FARP1: variants seen among roughly 807,000 people sequenced by gnomAD.
FARP1 encodes FERM, ARHGEF and pleckstrin domain-containing protein 1.
FARP1 carries 52 observed loss-of-function variants against 128.8 expected under a neutral mutation model. The observed-to-expected ratio is 0.40, with a 90% CI of 0.32 to 0.51. The LOEUF is 0.51. FARP1 is among the 20% of genes least tolerant of loss of function. The pLI is 0.45. For missense variants in FARP1, 1,333 were observed against 1,367.9 expected (o/e 0.97, Z 0.40); for synonymous variants, 580 against 551.8 (o/e 1.05, Z -0.72).
chr13:98,197,795 C>G (rs535799484), intron 1 of FARP1, among the ~76,000 whole-genome samples: 1 of 151,770 alleles, frequency 6.6e-6, no homozygotes, highest in Non-Finnish European at 1.5e-5. Context: ...CCACCACGCC[C>G]GGCTAATTTT....
intron 1 of FARP1, among the ~76,000 whole-genome samples, chr13:98,145,767 C>T (rs1204505984): frequency 7.4e-6 from 1 of 135,442 alleles, no homozygotes; most frequent in Non-Finnish European, 1.6e-5. Context: ...GAGGCTAAGC[C>T]AGGAGAATCG....
At chr13:98,346,200 T>G (rs1347503606) in intron 3 of FARP1, among the ~76,000 whole-genome samples, 1 of 149,132 alleles carries the variant, frequency 6.7e-6, no homozygotes, top group Non-Finnish European at 1.5e-5. Flanking sequence ...TTTTTTTTTT[T>G]TTTTTTTGAG....
chr13:98,447,319 C>T (rs1892910987), intron 26 of FARP1: 1 of 153,974 alleles, frequency 6.5e-6, no homozygotes, highest in South Asian at 2.0e-4. Flanking sequence ...GGGTCCTCAG[C>T]AATATGCTGA....
At chr13:98,268,907 T>G (rs1032521289) in intron 2 of FARP1, among the ~76,000 whole-genome samples, 17 of 151,984 alleles carry the variant, frequency 1.1e-4, no homozygotes, top group African/African-American at 4.1e-4. Context: ...ATTTTTATTT[T>G]TATTTGTAGA....
At chr13:98,353,960 A>G (rs1888543300) in intron 3 of FARP1, among the ~76,000 whole-genome samples, 1 of 152,262 alleles carries the variant, frequency 6.6e-6, no homozygotes, top group African/African-American at 2.4e-5. Context: ...AAATGATTTA[A>G]AAATAGTTTA....
rs552334006 is a variant in FARP1 at position 98,315,153 on chromosome 13, C to A, written c.172-28609C>A. Among the ~76,000 whole-genome samples, 16 of 152,278 alleles carry A rather than the reference C, an allele frequency of 1.1e-4. No homozygotes were observed. In the East Asian group the frequency reaches 2.9e-3, roughly 28 times the overall value. On this transcript the variant is annotated intron_variant, in intron 2 of 26. Coordinates refer to ENST00000319562, the MANE Select transcript of FARP1 (RefSeq NM_005766.4). ...TTGTTCATTTGTTTGTTTTTTAAAA[C>A]AGGGTCTTGCCCTGTCACTCAGGGT...
At chr13:98,373,533 GACACACACACACACACAC>G (rs58658962) in intron 5 of FARP1, among the ~76,000 whole-genome samples, 269 of 131,068 alleles carry the variant, frequency 2.1e-3, no homozygotes, top group African/African-American at 6.7e-3. Context: ...CAGACAGACA[GACACACACACACACACAC>G]ACACACACAC....
At chr13:98,330,014 A>G (rs1887428097) in intron 2 of FARP1, 2 of 152,314 alleles carry the variant, frequency 1.3e-5, no homozygotes, top group African/African-American at 4.8e-5. Context: ...GTAATTTTGA[A>G]TAGGGTAGTC....
chr13:98,154,460 C>G (rs545026148), intron 1 of FARP1, among the ~76,000 whole-genome samples: 3 of 152,240 alleles, frequency 2.0e-5, no homozygotes, highest in South Asian at 4.2e-4. Flanking sequence ...ATTTCTTGGA[C>G]TCTCTGGCAG....
At chr13:98,394,144 G>A (rs1890419429) in intron 12 of FARP1, among the ~76,000 whole-genome samples, 1 of 152,160 alleles carries the variant, frequency 6.6e-6, no homozygotes, top group South Asian at 2.1e-4. Flanking sequence ...ACTGGTCGGC[G>A]AGTTCCCAGA....
intron 3 of FARP1, among the ~76,000 whole-genome samples, chr13:98,357,509 G>A (rs1394924250): frequency 2.0e-5 from 3 of 152,000 alleles, no homozygotes; most frequent in Admixed American, 6.6e-5. Flanking sequence ...TATTTTCTTC[G>A]GGAATGCTGA....
chr13:98,415,077 G>A (rs895169735), intron 16 of FARP1, among the ~76,000 whole-genome samples: 3 of 152,196 alleles, frequency 2.0e-5, no homozygotes, highest in African/African-American at 7.2e-5. Context: ...TTCATCTCAG[G>A]GGTGCTCCAG....
intron 1 of FARP1, among the ~76,000 whole-genome samples, chr13:98,162,034 C>A (rs570481213): frequency 1.5e-3 from 225 of 152,292 alleles, no homozygotes; most frequent in Middle Eastern, 3.4e-3. Context: ...CTCCTCTTAG[C>A]CTCCCAAAGT....
intron 2 of FARP1, among the ~76,000 whole-genome samples, chr13:98,311,016 G>A (rs927538751): frequency 2.2e-4 from 33 of 152,280 alleles, no homozygotes; most frequent in African/African-American, 7.5e-4. Context: ...GAAAGGCAAG[G>A]GAGGTAGTAA....
chr13:98,395,556 C>T, intron 13 of FARP1, 80 bp downstream of exon 13: 1 of 1,465,198 alleles, frequency 6.8e-7, no homozygotes. Context: ...GCGAATACGA[C>T]CTTCTTAGAG....
intron 2 of FARP1, among the ~76,000 whole-genome samples, chr13:98,217,746 G>T (rs1881163859): frequency 6.6e-6 from 1 of 152,192 alleles, no homozygotes; most frequent in Non-Finnish European, 1.5e-5. Flanking sequence ...TTGTTTACCT[G>T]CTTAGTGTTG....
At chr13:98,399,060 T>TA (rs1890662102) in intron 13 of FARP1, 1 of 152,324 alleles carries the variant, frequency 6.6e-6, no homozygotes, top group African/African-American at 2.4e-5. Flanking sequence ...GAGTTGCTCA[T>TA]AGAGTTTTTC....
intron 2 of FARP1, among the ~76,000 whole-genome samples, chr13:98,337,336 C>A (rs745309826): frequency 2.6e-5 from 4 of 152,150 alleles, no homozygotes; most frequent in African/African-American, 9.7e-5. Flanking sequence ...GGTGCCACTG[C>A]ACTCCAGCCA....
At chr13:98,250,681 A>G (rs1883280596) in intron 2 of FARP1, among the ~76,000 whole-genome samples, 1 of 151,808 alleles carries the variant, frequency 6.6e-6, no homozygotes. Flanking sequence ...AGATCACACC[A>G]CTGCACTCTA....
Sources: allele counts gnomAD v4.1 joint callset (sites outside exome capture counted in the v4.1 genomes callset), GRCh38; gene constraint gnomAD v4.1.1; transcripts MANE v1.5; gene names NCBI Gene and HGNC (gene_info 2026-07-23, HGNC 2026-07-21).